Variants in GSDMD observed in about 807,000 individuals in gnomAD.
GSDMD encodes gasdermin-D.
Under a neutral mutation model 46.7 loss-of-function variants are expected in GSDMD, and 46 were observed. The ratio of observed to expected loss-of-function variants is 0.99; its 90% CI spans 0.78 to 1.26. GSDMD has a LOEUF of 1.26. GSDMD is among the 50% of genes most tolerant of loss of function. The probability of loss-of-function intolerance (pLI) is 0.00; values close to 1 mark genes in which losing one functional copy is unlikely to be tolerated. For synonymous variants in GSDMD, 307 were observed against 283.1 expected, an observed-to-expected ratio of 1.08 and a Z score of -0.85; for missense variants, 649 against 638.8, an observed-to-expected ratio of 1.02 and a Z score of -0.17.
At chr8:143,555,837 A>C (rs1171188231), upstream of GSDMD, 1 of 152,324 alleles carries the variant, frequency 6.6e-6, no homozygotes, top group African/African-American at 2.4e-5. Context: ...TGGGAGGCTG[A>C]GGCGGGAGGA....
Position 143,562,807 on chromosome 8 carries a change from C to T in GSDMD, c.1358C>T (p.Thr453Ile), listed in dbSNP as rs751336233. The change falls in exon 11 of 11, where the codon ACT (threonine) becomes ATT (isoleucine). Residue 453 changes from threonine to isoleucine, a missense_variant. Transcript: ENST00000262580. ...TGTGGCCTAGAGCTGGGGGAGGACA[C>T]TCCCCACGTGTGCTGGGAGCCGCAG... ...DECGLELGED[T>I]PHVCWEPQAQ... 1.2e-6 allele frequency: 2 copies of T among 1,604,998 alleles called. No homozygotes were observed. Among genetic ancestry groups the T allele is most frequent in the Non-Finnish European group, 1.7e-6 (2 of 1,176,434 alleles).
upstream of GSDMD, among the ~76,000 whole-genome samples, chr8:143,557,388 A>ACGACGGATGC (rs1563902797): frequency 1.5e-5 from 1 of 65,494 alleles, no homozygotes; most frequent in African/African-American, 5.2e-5. Context: ...GCGAAGGATG[A>ACGACGGATGC]TGCCGCTGTG....
chr8:143,554,619 A>T (rs1823268503), upstream of GSDMD, among the ~76,000 whole-genome samples: 1 of 150,048 alleles, frequency 6.7e-6, no homozygotes, highest in African/African-American at 2.5e-5. Context: ...CACAACACTC[A>T]GGTGCATAAA....
chr8:143,556,669 C>T (rs11782753), upstream of GSDMD, among the ~76,000 whole-genome samples: 19,385 of 152,260 alleles, frequency 0.13, 1,425 homozygotes, highest in Admixed American at 0.2. Flanking sequence ...GCCCAAGTAG[C>T]CCCATCCACA....
chr8:143,560,562 G>A lies in GSDMD; in HGVS notation c.411-41G>A, dbSNP rs770847079. 5.2e-6 allele frequency: 8 copies of A among 1,529,632 alleles called. No individual in the cohort carries two copies. The African/African-American group carries it at 5.5e-5, about 11-fold the overall frequency. The allele number at this position is 1,529,632 out of a possible 1,614,324, so 94.8% of individuals were successfully genotyped here. ...TGTCAGGGGAGGGAAGACGCCTTCAGGGGCTGCGGCCCAGCGAGCTTTGCT... is the reference window on the plus strand; with the variant it reads ...TGTCAGGGGAGGGAAGACGCCTTCAAGGGCTGCGGCCCAGCGAGCTTTGCT... On this transcript the variant is annotated intron_variant, in intron 3 of 10. Coordinates refer to ENST00000262580, the MANE Select transcript of GSDMD (RefSeq NM_024736.7).
chr8:143,558,341 A>G (rs1186921034), upstream of GSDMD: 2 of 1,524,054 alleles, frequency 1.3e-6, no homozygotes, highest in South Asian at 1.2e-5. Flanking sequence ...GCCCTGCGTC[A>G]GGTTGCAGTT....
chr8:143,557,747 T>C (rs545069574), upstream of GSDMD: 132 of 294,676 alleles, frequency 4.5e-4, no homozygotes, highest in Non-Finnish European at 8.0e-4. Flanking sequence ...TCTTTGTCAG[T>C]GTGCAGTATC....
chr8:143,562,022 C>G lies in GSDMD; in HGVS notation c.887C>G (p.Thr296Ser), dbSNP rs747739120. 1.2e-6 allele frequency: 2 copies of G among 1,603,222 alleles called. No homozygotes were observed. Among genetic ancestry groups the G allele is most frequent in the Non-Finnish European group, 1.7e-6 (2 of 1,178,290 alleles). Residue 296 changes from threonine to serine, a missense_variant, in exon 8 of 11, where the codon ACC becomes AGC. Physicochemically the swap from Thr to Ser is moderately conservative, Grantham distance 58. Coordinates refer to ENST00000262580, the MANE Select transcript of GSDMD (RefSeq NM_024736.7). ...DFQGLRAEVE[T>S]ISKELELLDR... ...CAGGGCCTACGGGCAGAGGTGGAGA[C>G]CATCTCCAAGGAACTGGAGCTTTTG...
rs1346407406 is a variant in GSDMD, at chr8:143,560,641, T to C, written c.449T>C (p.Leu150Pro). The change falls in exon 4 of 11, where the codon CTG becomes CCG. Residue 150 changes from leucine to proline, a missense_variant. Physicochemically the swap from Leu to Pro is moderately conservative, Grantham distance 98. Transcript: ENST00000262580. ...RQPEHKVLQQ[L>P]RSRGDNVYVV... ...CCAGAACACAAAGTCCTGCAGCAGCTGCGCAGCCGCGGGGACAACGTGTAC... is the reference window on the plus strand; with the variant it reads ...CCAGAACACAAAGTCCTGCAGCAGCCGCGCAGCCGCGGGGACAACGTGTAC... 6 of 1,590,994 alleles carry C rather than the reference T, an allele frequency of 3.8e-6. No individual in the cohort carries two copies. Among genetic ancestry groups the C allele is most frequent in the Non-Finnish European group, 5.1e-6 (6 of 1,169,390 alleles).
chr8:143,562,192 C>G lies in GSDMD; in HGVS notation c.997-17C>G. 6.3e-7 allele frequency: 1 copy of G among 1,587,556 alleles called. No homozygotes were observed. The highest frequency in any genetic ancestry group is 8.5e-7 in the Non-Finnish European group (1 of 1,173,682). On this transcript the variant is annotated splice_polypyrimidine_tract_variant and intron_variant, in intron 8 of 10. Coordinates refer to ENST00000262580, the MANE Select transcript of GSDMD (RefSeq NM_024736.7). ...TGCCCAGCCAGCCAGACTCACCTGC[C>G]CTTCCCGTGCCCACAGCTGGAGCAG...
chr8:143,559,739 G>T, intron 2 of GSDMD, 38 bp from the exon 3 acceptor site: 1 of 1,549,276 alleles, frequency 6.5e-7, no homozygotes, highest in Non-Finnish European at 8.7e-7. Context: ...GGGAGAGGCG[G>T]GGCGCTGGGC....
intron 1 of GSDMD, 40 bp from the exon 2 acceptor site, chr8:143,559,292 G>GCCC: frequency 3.2e-6 from 1 of 311,008 alleles, no homozygotes; most frequent in South Asian, 2.9e-5. Flanking sequence ...CCTCCCGCCC[G>GCCC]CCCCGAGAGC....
At chr8:143,555,446 G>A (rs868701962), upstream of GSDMD, among the ~76,000 whole-genome samples, 1 of 152,220 alleles carries the variant, frequency 6.6e-6, no homozygotes, top group African/African-American at 2.4e-5. Flanking sequence ...AAATGAGCCT[G>A]CATCCTCCTT....
chr8:143,560,841 G>A (rs536461751), intron 4 of GSDMD, 70 bp downstream of exon 4: 67 of 1,447,802 alleles, frequency 4.6e-5, no homozygotes, highest in Middle Eastern at 2.3e-4. Context: ...CGGAGGCGGC[G>A]GGCTGGGCTC....
Position 143,562,996 on chromosome 8 carries a change from C to A in GSDMD, c.*92C>A. On this transcript the variant is annotated 3_prime_UTR_variant, in exon 11 of 11. Coordinates refer to ENST00000262580, the MANE Select transcript of GSDMD (RefSeq NM_024736.7). ...CTAGGAAGGCCAGGAGCCCAGTAGC[C>A]ATGTGGCCAGTCTACCATGGGGCCC... 6.5e-7 allele frequency: 1 copy of A among 1,545,288 alleles called. No individual in the cohort carries two copies. Among genetic ancestry groups the A allele is most frequent in the Non-Finnish European group, 8.8e-7 (1 of 1,138,188 alleles).
In GSDMD at chr8:143,559,974, G is replaced by A; in HGVS notation, c.410+5G>A. 1 of 1,602,272 alleles carries A rather than the reference G, an allele frequency of 6.2e-7. No individual in the cohort carries two copies. The highest frequency in any genetic ancestry group is 8.5e-7 in the Non-Finnish European group (1 of 1,177,098). On this transcript the variant is annotated splice_donor_5th_base_variant and intron_variant, in intron 3 of 10. Transcript: ENST00000262580. Reference sequence around the variant, plus strand: ...GCAGACTCTGCTCCATGAGAGGTGGGCCCGAAGAGGGCAGGGCAGGGCAGG... The same window carrying A: ...GCAGACTCTGCTCCATGAGAGGTGGACCCGAAGAGGGCAGGGCAGGGCAGG...
At chr8:143,554,593 ACG>A (rs955117783), upstream of GSDMD, among the ~76,000 whole-genome samples, 1 of 150,108 alleles carries the variant, frequency 6.7e-6, no homozygotes, top group African/African-American at 2.5e-5. Flanking sequence ...ACGTGCATAC[ACG>A]CGCACAACGC....
intron 3 of GSDMD, chr8:143,560,324 T>G (rs1420766281): frequency 1.5e-6 from 1 of 687,322 alleles, no homozygotes; most frequent in Non-Finnish European, 2.7e-6. Context: ...AGGACCGGAC[T>G]GAGCCCCAGG....
intron 1 of GSDMD, 134 bp downstream of exon 1, chr8:143,558,585 C>T (rs1034422003): frequency 5.3e-5 from 49 of 916,202 alleles, no homozygotes; most frequent in South Asian, 3.8e-5. Context: ...CACACGGGGG[C>T]GGAAGCTCCA....
Sources: allele counts gnomAD v4.1 joint callset (sites outside exome capture counted in the v4.1 genomes callset), GRCh38; gene constraint gnomAD v4.1.1; transcripts MANE v1.5; gene names NCBI Gene and HGNC (gene_info 2026-07-23, HGNC 2026-07-21).